Variants in RPH3A observed in about 807,000 individuals in gnomAD.
RPH3A encodes rabphilin 3A.
A neutral mutation model predicts 102.2 loss-of-function variants in RPH3A; 48 were observed. The ratio of observed to expected loss-of-function variants is 0.47; its 90% CI spans 0.37 to 0.60. The LOEUF is 0.60. Ranked by LOEUF, RPH3A falls within the 20% of genes least tolerant of loss-of-function variation. The pLI, the probability that RPH3A is intolerant of heterozygous loss-of-function variation, is 0.00. For missense variants in RPH3A, 781 were observed against 910.1 expected (o/e 0.86, Z 1.83); for synonymous variants, 310 against 324.3 (o/e 0.96, Z 0.47).
chr12:112,719,084 A>G (rs986699729), intron 1 of RPH3A, among the ~76,000 whole-genome samples: 9 of 152,192 alleles, frequency 5.9e-5, no homozygotes, highest in African/African-American at 1.9e-4. Context: ...GAGGGGTGCT[A>G]CTGGCATATG....
At chr12:112,884,358 C>A (rs2042972237) in intron 16 of RPH3A, among the ~76,000 whole-genome samples, 1 of 152,160 alleles carries the variant, frequency 6.6e-6, no homozygotes, top group Non-Finnish European at 1.5e-5. Context: ...TGTCCTCTTC[C>A]TTCTCTCCCA....
chr12:112,806,646 C>A (rs1256466473), intron 2 of RPH3A, among the ~76,000 whole-genome samples: 7 of 150,894 alleles, frequency 4.6e-5, no homozygotes, highest in Admixed American at 4.6e-4. Flanking sequence ...AAAAAAAAAA[C>A]AAAAAAGAAG....
At chr12:112,579,064 A>G (rs2039378308) in intron 1 of RPH3A, among the ~76,000 whole-genome samples, 1 of 152,182 alleles carries the variant, frequency 6.6e-6, no homozygotes. Context: ...TACAGCACAT[A>G]CTTTTTTTGT....
At chr12:112,700,906 A>G (rs921355331) in intron 1 of RPH3A, among the ~76,000 whole-genome samples, 1 of 151,964 alleles carries the variant, frequency 6.6e-6, no homozygotes, top group East Asian at 1.9e-4. Context: ...TGATCCCTTC[A>G]TCTCCATCCC....
intron 5 of RPH3A, among the ~76,000 whole-genome samples, chr12:112,858,266 C>CAAAAAAAA (rs1164602599): frequency 3.6e-4 from 16 of 44,776 alleles, no homozygotes; most frequent in Non-Finnish European, 5.2e-4. Context: ...GACCCTGTCT[C>CAAAAAAAA]AAAAAAAAAA....
intron 1 of RPH3A, among the ~76,000 whole-genome samples, chr12:112,771,290 T>G (rs1281489279): frequency 6.6e-6 from 1 of 152,262 alleles, no homozygotes; most frequent in Non-Finnish European, 1.5e-5. Flanking sequence ...AATCCCTCTG[T>G]ACTTCCCATT....
chr12:112,659,765 G>A (rs1194704200), intron 1 of RPH3A, among the ~76,000 whole-genome samples: 1 of 152,076 alleles, frequency 6.6e-6, no homozygotes, highest in African/African-American at 2.4e-5. Context: ...CATTTAATGG[G>A]GTTCTAACTA....
At chr12:112,841,030 C>A (rs896492413) in intron 4 of RPH3A, among the ~76,000 whole-genome samples, 1 of 151,882 alleles carries the variant, frequency 6.6e-6, no homozygotes, top group Non-Finnish European at 1.5e-5. Context: ...TTAGACCAAT[C>A]TACTGTGATC....
intron 1 of RPH3A, among the ~76,000 whole-genome samples, chr12:112,766,954 C>T (rs1280681690): frequency 2.0e-5 from 3 of 152,256 alleles, no homozygotes; most frequent in East Asian, 1.9e-4. Flanking sequence ...CACACAAAGG[C>T]GCGTTTCAAG....
chr12:112,799,897 G>A (rs1565887594), intron 2 of RPH3A, among the ~76,000 whole-genome samples: 1 of 152,136 alleles, frequency 6.6e-6, no homozygotes, highest in Non-Finnish European at 1.5e-5. Context: ...CACATCAAAC[G>A]AGTTCCCAGG....
At chr12:112,760,978 C>T (rs1174514956) in intron 1 of RPH3A, among the ~76,000 whole-genome samples, 2 of 152,218 alleles carry the variant, frequency 1.3e-5, no homozygotes, top group East Asian at 3.9e-4. Flanking sequence ...GTTTGCCATC[C>T]TTGAGGTTAA....
In RPH3A at chr12:112,774,063, C is replaced by CAAA. The variant is rs11375355; in HGVS notation, c.-139-18068_-139-18066dup. On this transcript the variant is annotated intron_variant, in intron 1 of 21. Coordinates refer to the RPH3A transcript ENST00000543106. ...TCACGCCACTGCACTCCAGCCTGGG[C>CAAA]AAAAAAAAAAAAAAGAAAAAGAGAA... 2.2e-4 allele frequency among the ~76,000 whole-genome samples: 24 copies of CAAA among 108,446 alleles called. 1 individual carries two copies. Among genetic ancestry groups the CAAA allele is most frequent in the East Asian group, 7.2e-4 (3 of 4,174 alleles). 71.1% of individuals were successfully genotyped at this position (108,446 alleles called of 152,430 possible). A position where few individuals can be genotyped will look rare whatever the true frequency, so the allele number is the denominator to read the frequency against.
At chr12:112,724,776 C>T (rs2040575179) in intron 1 of RPH3A, among the ~76,000 whole-genome samples, 1 of 152,146 alleles carries the variant, frequency 6.6e-6, no homozygotes, top group East Asian at 1.9e-4. Context: ...CAAGACCAGC[C>T]TGGACAATAT....
intron 4 of RPH3A, among the ~76,000 whole-genome samples, chr12:112,846,591 T>G (rs969567786): frequency 6.6e-6 from 1 of 152,254 alleles, no homozygotes; most frequent in African/African-American, 2.4e-5. Context: ...TCATGCCTAC[T>G]GCTGTGATTA....
chr12:112,768,071 C>A (rs943467737), intron 1 of RPH3A, among the ~76,000 whole-genome samples: 1 of 152,082 alleles, frequency 6.6e-6, no homozygotes. Flanking sequence ...ATACTGAAAA[C>A]AATTGAATTG....
At chr12:112,803,079 A>G (rs760071364) in intron 2 of RPH3A, among the ~76,000 whole-genome samples, 15 of 152,030 alleles carry the variant, frequency 9.9e-5, no homozygotes, top group Non-Finnish European at 1.8e-4. Context: ...TTGTCATGGC[A>G]GCGGGTCTGG....
chr12:112,739,945 C>A (rs2040696828), intron 1 of RPH3A, among the ~76,000 whole-genome samples: 1 of 22,984 alleles, frequency 4.4e-5, no homozygotes, highest in South Asian at 1.7e-3. Flanking sequence ...TCCCTTCATC[C>A]CCCCCCAGCC....
At chr12:112,708,200 C>T (rs566560887) in intron 1 of RPH3A, among the ~76,000 whole-genome samples, 1 of 152,172 alleles carries the variant, frequency 6.6e-6, no homozygotes, top group Non-Finnish European at 1.5e-5. Context: ...TAAGTAGCTA[C>T]AGGGAAGTAG....
At chr12:112,664,691 G>A (rs1203195308) in intron 1 of RPH3A, among the ~76,000 whole-genome samples, 2 of 152,092 alleles carry the variant, frequency 1.3e-5, no homozygotes, top group Non-Finnish European at 2.9e-5. Context: ...ATGGAAGGTA[G>A]CAAGAGAGGT....
Sources: gnomAD v4.1 joint callset for allele counts (sites outside exome capture counted in the v4.1 genomes callset) on GRCh38, gnomAD v4.1.1 for gene constraint, MANE v1.5 for transcripts, NCBI Gene and HGNC (gene_info 2026-07-23, HGNC 2026-07-21) for gene names.